ZNF362: variants seen among roughly 807,000 people sequenced by gnomAD.
ZNF362 encodes the protein zinc finger protein 362.
Under a neutral mutation model 42.9 loss-of-function variants are expected in ZNF362, and 11 were observed. The observed-to-expected ratio is 0.26, with a 90% CI of 0.16 to 0.42. The LOEUF (loss-of-function observed/expected upper bound fraction) is 0.42. Among genes scored for constraint, ZNF362 ranks in the 20% least tolerant of loss-of-function variants. ZNF362 has a pLI of 1.00. For synonymous variants in ZNF362, 255 were observed against 257.3 expected, an observed-to-expected ratio of 0.99 and a Z score of 0.09; for missense variants, 362 against 576.2, an observed-to-expected ratio of 0.63 and a Z score of 3.81.
At chr1:33,189,707 A>ATG in the ZNF362 span, among the ~76,000 whole-genome samples, 4 of 23,066 alleles carry the variant, frequency 1.7e-4, no homozygotes, top group African/African-American at 5.8e-4. Context: ...ACACATATAT[A>ATG]CGTATATATA....
the ZNF362 span, chr1:33,145,760 A>G: frequency 2.3e-6 from 1 of 430,154 alleles, no homozygotes. Context: ...GGGCAGGACA[A>G]CCCTAGATGT....
the ZNF362 span, among the ~76,000 whole-genome samples, chr1:33,154,323 CT>C: frequency 6.6e-6 from 1 of 152,142 alleles, no homozygotes; most frequent in African/African-American, 2.4e-5. Flanking sequence ...CCTGGGGAGC[CT>C]TCTAGCCTCA....
the ZNF362 span, chr1:33,180,998 C>A: frequency 3.2e-6 from 5 of 1,550,144 alleles, no homozygotes; most frequent in South Asian, 5.8e-5. Flanking sequence ...GGCCCCGCCC[C>A]TTCCCCAGGC....
the ZNF362 span, among the ~76,000 whole-genome samples, chr1:33,209,257 C>G: frequency 1.3e-5 from 2 of 152,084 alleles, no homozygotes; most frequent in Non-Finnish European, 1.5e-5. Context: ...GACTTGCATC[C>G]CAGGGATGAA....
rs1163669718 is a variant in ZNF362 at position 33,266,139 on chromosome 1, G to T, written c.-88-4348G>T. On this transcript the variant is annotated intron_variant, in intron 1 of 8. Transcript: ENST00000539719. This position sits in a 1 kb window ranked among gnomAD's most constrained non-coding sequence, Gnocchi z 4.3. ...TCCCAGCCTGACTGCAGCAGTAGCT[G>T]TTGCCCCTCTCTGGGGGCAGGGATT... Among the ~76,000 whole-genome samples the T allele has an allele frequency of 6.6e-6, 1 of 152,232 alleles. No homozygotes were observed. Among genetic ancestry groups the T allele is most frequent in the Admixed American group, 6.5e-5 (1 of 15,284 alleles).
At chr1:33,239,636 A>G in the ZNF362 span, among the ~76,000 whole-genome samples, 6 of 152,072 alleles carry the variant, frequency 3.9e-5, 1 homozygote, top group Non-Finnish European at 8.8e-5. Context: ...AAGCAGGGGA[A>G]ATGCTAGATT....
the ZNF362 span, among the ~76,000 whole-genome samples, chr1:33,136,362 G>GTCTT: frequency 2.6e-4 from 26 of 99,688 alleles, no homozygotes; most frequent in East Asian, 6.2e-3. Context: ...CTCTCTCTCT[G>GTCTT]TCTTTCTTTC....
the ZNF362 span, among the ~76,000 whole-genome samples, chr1:33,158,694 C>T: frequency 6.6e-6 from 1 of 152,218 alleles, no homozygotes; most frequent in Non-Finnish European, 1.5e-5. Flanking sequence ...CAGTATTGAT[C>T]ACCAACAAAC....
chr1:33,138,626 C>CAAAAAAAAAA, the ZNF362 span, among the ~76,000 whole-genome samples: 20 of 66,030 alleles, frequency 3.0e-4, no homozygotes, highest in African/African-American at 6.1e-4. Context: ...ACAACAACAA[C>CAAAAAAAAAA]AAAAAAAAAA....
chr1:33,157,105 G>A, the ZNF362 span, among the ~76,000 whole-genome samples: 28,346 of 151,836 alleles, frequency 0.19, 3,137 homozygotes, highest in South Asian at 0.3. Context: ...GTCACTTCAT[G>A]GCTCCAAGCC....
the ZNF362 span, among the ~76,000 whole-genome samples, chr1:33,243,111 AT>A: frequency 9.7e-6 from 1 of 103,198 alleles, no homozygotes; most frequent in African/African-American, 3.6e-5. Context: ...AACTGTTATT[AT>A]GTTATGTTAT....
chr1:33,181,277 C>T, the ZNF362 span: 5 of 1,549,570 alleles, frequency 3.2e-6, no homozygotes, highest in East Asian at 2.4e-5. This position sits in a 1 kb window ranked among gnomAD's most constrained non-coding sequence, Gnocchi z 6.5. Flanking sequence ...TGCGCCGGCA[C>T]TCGGGGCAGT....
chr1:33,146,284 G>T, the ZNF362 span: 1 of 194,578 alleles, frequency 5.1e-6, no homozygotes. Flanking sequence ...GTCTGACAAG[G>T]GGTCCAGCCA....
At chr1:33,152,085 G>A in the ZNF362 span, among the ~76,000 whole-genome samples, 1 of 152,234 alleles carries the variant, frequency 6.6e-6, no homozygotes, top group African/African-American at 2.4e-5. Flanking sequence ...GGAGCACCAC[G>A]ACAGACCCAG....
At chr1:33,223,990 C>G in the ZNF362 span, among the ~76,000 whole-genome samples, 46 of 151,730 alleles carry the variant, frequency 3.0e-4, no homozygotes, top group South Asian at 9.4e-3. Context: ...CTACCTGTCA[C>G]AAATAAAAGT....
intron 4 of ZNF362, among the ~76,000 whole-genome samples, chr1:33,279,806 G>A (rs1022802348): frequency 6.6e-5 from 10 of 152,058 alleles, no homozygotes; most frequent in Non-Finnish European, 1.2e-4. Flanking sequence ...GCTGTTTACC[G>A]AATCCTTCCC....
chr1:33,135,397 A>G, the ZNF362 span, among the ~76,000 whole-genome samples: 2 of 152,152 alleles, frequency 1.3e-5, no homozygotes, highest in Admixed American at 6.5e-5. Flanking sequence ...AACACTTACC[A>G]TGAGCCAGAC....
chr1:33,162,761 A>C, the ZNF362 span: 1 of 152,680 alleles, frequency 6.5e-6, no homozygotes. Flanking sequence ...TGGAGCCCCA[A>C]GTACATTCCC....
intron 4 of ZNF362, among the ~76,000 whole-genome samples, chr1:33,278,069 A>C (rs1645964818): frequency 6.6e-6 from 1 of 152,172 alleles, no homozygotes; most frequent in Non-Finnish European, 1.5e-5. Context: ...TGTTATTATG[A>C]TTTTATTAAA....
Sources: allele counts gnomAD v4.1 joint callset (sites outside exome capture counted in the v4.1 genomes callset), GRCh38; gene constraint gnomAD v4.1.1; non-coding constraint Gnocchi (gnomAD v3.1); transcripts MANE v1.5; gene names NCBI Gene and HGNC (gene_info 2026-07-23, HGNC 2026-07-21).